ZNF107: variants seen among roughly 807,000 people sequenced by gnomAD.
ZNF107 encodes the protein zinc finger protein 107, also known as C2H2 type zinc-finger protein.
A neutral mutation model predicts 12.3 loss-of-function variants in ZNF107; 19 were observed. That is an observed-to-expected ratio of 1.55 (90% CI 1.08 to 2.27). The LOEUF is 2.27. ZNF107 is among the 30% of genes most tolerant of loss of function. ZNF107 has a pLI of 0.00. For missense variants in ZNF107, 958 were observed against 979.9 expected (o/e 0.98, Z 0.30); for synonymous variants, 317 against 330.5 (o/e 0.96, Z 0.44).
In ZNF107 at chr7:64,680,190, G is replaced by T. The variant is rs576681071; in HGVS notation, c.4-11058G>T. Among the ~76,000 whole-genome samples the T allele has an allele frequency of 2.6e-5, 4 of 152,182 alleles. 1 individual carries two copies. Among genetic ancestry groups the T allele is most frequent in the African/African-American group, 7.2e-5 (3 of 41,516 alleles). On this transcript the variant is annotated intron_variant, in intron 1 of 3. Transcript: ENST00000620827. ...CTATTTCCCCTTTGAGAGGTGGCTG[G>T]AGCTGAAGGGATAGTCCGAGTTCAT...
At chr7:64,669,778 ACT>A (rs1482001300) in intron 1 of ZNF107, among the ~76,000 whole-genome samples, 3 of 151,968 alleles carry the variant, frequency 2.0e-5, no homozygotes, top group Admixed American at 1.3e-4. Context: ...ACAGAGCGAG[ACT>A]CTGTCTCAAA....
At position 64,666,162 on chromosome 7, in the gene ZNF107, C is replaced by G; in HGVS notation, c.-121C>G. 2.2e-6 allele frequency: 3 copies of G among 1,390,430 alleles called. No homozygotes were observed. The highest frequency in any genetic ancestry group is 3.0e-6 in the Non-Finnish European group (3 of 996,122). The allele number at this position is 1,390,430 out of a possible 1,614,324, so 86.1% of individuals were successfully genotyped here. On this transcript the variant is annotated 5_prime_UTR_variant, in exon 1 of 4. Transcript: ENST00000620827. The stretch of plus-strand genomic sequence containing the variant: ...TTGTCTCTGGCTGCAGCCGGAGCTC[C>G]TGCTCTCCTCCTCACTGCTCAGTGT...
intron 1 of ZNF107, chr7:64,678,867 A>G (rs1277751613): frequency 6.6e-6 from 1 of 152,106 alleles, no homozygotes; most frequent in African/African-American, 2.4e-5. Flanking sequence ...TGGCCACTCA[A>G]AAACCATAAT....
At chr7:64,673,458 T>C (rs2128956443) in intron 1 of ZNF107, among the ~76,000 whole-genome samples, 1 of 152,366 alleles carries the variant, frequency 6.6e-6, no homozygotes, top group Middle Eastern at 3.4e-3. Context: ...CAAATTTGTT[T>C]GTTTCTTATG....
At chr7:64,668,467 G>C (rs972905720) in intron 1 of ZNF107, among the ~76,000 whole-genome samples, 2 of 149,474 alleles carry the variant, frequency 1.3e-5, no homozygotes, top group Admixed American at 1.3e-4. Flanking sequence ...CCCTGCAAAG[G>C]CCATGAACTC....
rs750758326 is a variant in ZNF107, at chr7:64,706,382, C to A, written c.285C>A (p.Phe95Leu). Reference protein sequence around the residue: ...LWPEQNIKDSFQKVTLRRYGK... With the variant: ...LWPEQNIKDSLQKVTLRRYGK... Reference sequence around the variant, plus strand: ...CAGAGCAGAACATAAAAGATTCTTTCCAGAAAGTGACACTGAGAAGATACG... The same window carrying A: ...CAGAGCAGAACATAAAAGATTCTTTACAGAAAGTGACACTGAGAAGATACG... The change falls in exon 4 of 4, where the codon TTC becomes TTA. Residue 95 changes from phenylalanine to leucine, a missense_variant. Transcript: ENST00000620827. 2.5e-6 allele frequency: 4 copies of A among 1,609,854 alleles called. No individual in the cohort carries two copies. Among genetic ancestry groups the A allele is most frequent in the Non-Finnish European group, 3.4e-6 (4 of 1,177,786 alleles).
intron 1 of ZNF107, among the ~76,000 whole-genome samples, chr7:64,671,949 A>AT (rs1584461554): frequency 6.7e-6 from 1 of 150,098 alleles, no homozygotes. Flanking sequence ...GCCCAGCTAA[A>AT]TTTTTTTTTG....
Position 64,675,946 on chromosome 7 carries a change from G to A in ZNF107, c.3+9661G>A, listed in dbSNP as rs537263980. On this transcript the variant is annotated intron_variant, in intron 1 of 3. Coordinates refer to ENST00000620827, the MANE Select transcript of ZNF107 (RefSeq NM_001282359.2). Reference sequence around the variant, plus strand: ...CGGCTCACTGCAACCTCTGCCTCCCGGGCTCAAGTGATTCTGTGCCTCAGC... The same window carrying A: ...CGGCTCACTGCAACCTCTGCCTCCCAGGCTCAAGTGATTCTGTGCCTCAGC... Among the ~76,000 whole-genome samples the A allele has an allele frequency of 2.7e-3, 408 of 152,188 alleles. 2 individuals are homozygous for A. The highest frequency in any genetic ancestry group is 7.5e-3 in the African/African-American group (311 of 41,514).
intron 1 of ZNF107, among the ~76,000 whole-genome samples, chr7:64,678,191 A>G (rs1789500046): frequency 6.6e-6 from 1 of 152,196 alleles, no homozygotes; most frequent in African/African-American, 2.4e-5. Flanking sequence ...TTTAAAGTAG[A>G]CACAGATTTG....
intron 1 of ZNF107, 25 bp downstream of exon 1, chr7:64,666,310 C>A (rs1444410256): frequency 1.9e-6 from 3 of 1,608,124 alleles, no homozygotes; most frequent in Non-Finnish European, 2.5e-6. Flanking sequence ...TCCGACATCC[C>A]GAGAGAGGGG....
chr7:64,707,660 T>A lies in ZNF107; in HGVS notation c.1563T>A (p.Ser521=), dbSNP rs1256394353. The change falls in exon 4 of 4, where the codon TCT becomes TCA. Residue 521 remains serine (S), a synonymous_variant. Coordinates refer to ENST00000620827, the MANE Select transcript of ZNF107 (RefSeq NM_001282359.2). ...AATGTGACAGAGCTTTTAGCCAGTC[T>A]TCAAACCTTACTGAACATAAGAAAA... is the stretch of plus-strand genomic sequence containing the variant. ...CEECDRAFSQ[S]SNLTEHKKIH... The A allele has an allele frequency of 4.4e-6, 7 of 1,608,946 alleles. No individual in the cohort carries two copies. The South Asian group carries it at 7.7e-5, about 18-fold the overall frequency.
At chr7:64,686,285 C>T (rs1466797310) in intron 1 of ZNF107, among the ~76,000 whole-genome samples, 1 of 152,176 alleles carries the variant, frequency 6.6e-6, no homozygotes, top group African/African-American at 2.4e-5. Flanking sequence ...GTTGTGGCTT[C>T]TCCCTATAGC....
rs766178711 is a variant in ZNF107, at chr7:64,708,368, A to T, written c.2271A>T (p.Gly757=). 6 of 1,613,314 alleles carry T rather than the reference A, an allele frequency of 3.7e-6. No individual in the cohort carries two copies. The East Asian group carries it at 8.9e-5, about 24-fold the overall frequency. Residue 757 remains glycine (G), a synonymous_variant, in exon 4 of 4, where the codon GGA becomes GGT. Coordinates refer to ENST00000620827, the MANE Select transcript of ZNF107 (RefSeq NM_001282359.2). ...CTGCACATAAGAAAATTCATACTGG[A>T]GAGAAACCCTATAAATGTGAAGAAT... ...TLTAHKKIHT[G]EKPYKCEECG... is the part of the protein sequence containing the mutation.
chr7:64,673,119 C>T (rs563983102), intron 1 of ZNF107, among the ~76,000 whole-genome samples: 2 of 152,236 alleles, frequency 1.3e-5, no homozygotes, highest in African/African-American at 2.4e-5. Context: ...TCTTGGCTCA[C>T]TGCAACCTCT....
rs1790860668 is a variant in ZNF107, at chr7:64,710,717, CAT to C, written c.*2062_*2063del. The C allele has an allele frequency of 6.6e-6, 1 of 152,018 alleles. No individual in the cohort carries two copies. Among genetic ancestry groups the C allele is most frequent in the African/African-American group, 2.4e-5 (1 of 41,408 alleles). The allele number at this position is 152,018 out of a possible 1,614,324, so 9.4% of individuals were successfully genotyped here. ...TTCCTATTGTATTCACATGTGAAAG[CAT>C]GTGATTAATTTTTCATGCATCAAAG... On this transcript the variant is annotated 3_prime_UTR_variant, in exon 4 of 4. Coordinates refer to ENST00000620827, the MANE Select transcript of ZNF107 (RefSeq NM_001282359.2).
chr7:64,679,906 C>T, intron 1 of ZNF107, among the ~76,000 whole-genome samples: 1 of 152,174 alleles, frequency 6.6e-6, no homozygotes, highest in East Asian at 1.9e-4. Context: ...GTTCCCAATG[C>T]AATTTGTCTC....
In ZNF107 at chr7:64,672,073, A is replaced by G. The variant is rs544100426; in HGVS notation, c.3+5788A>G. ...AGTGCTGGGATTACAGGAGTGAGCC[A>G]CCGCGCCCGGCTGGCGACCCTTTTT... On this transcript the variant is annotated intron_variant, in intron 1 of 3. Coordinates refer to ENST00000620827, the MANE Select transcript of ZNF107 (RefSeq NM_001282359.2). 2.0e-5 allele frequency among the ~76,000 whole-genome samples: 3 copies of G among 152,098 alleles called. No homozygotes were observed. In the South Asian group the frequency reaches 6.2e-4, roughly 32 times the overall value.
Position 64,707,441 on chromosome 7 carries a change from T to C in ZNF107, c.1344T>C (p.Thr448=). The change falls in exon 4 of 4, where the codon ACT becomes ACC. Residue 448 remains threonine (T), a synonymous_variant. Transcript: ENST00000620827. The part of the protein sequence containing the change: ...SNLTEHKKIH[T]AEKSYKCEEC... ...TTACTGAACATAAGAAAATTCATAC[T>C]GCAGAGAAATCCTATAAATGTGAAG... 6.2e-7 allele frequency: 1 copy of C among 1,613,272 alleles called. No individual in the cohort carries two copies. Among genetic ancestry groups the C allele is most frequent in the Non-Finnish European group, 8.5e-7 (1 of 1,179,628 alleles).
intron 1 of ZNF107, among the ~76,000 whole-genome samples, chr7:64,677,462 G>A (rs766223034): frequency 1.3e-5 from 1 of 76,814 alleles, no homozygotes; most frequent in Non-Finnish European, 2.5e-5. Context: ...ATGAGCCACC[G>A]CACCTCGCCG....
Sources: gnomAD v4.1 joint callset for allele counts (sites outside exome capture counted in the v4.1 genomes callset) on GRCh38, gnomAD v4.1.1 for gene constraint, MANE v1.5 for transcripts, NCBI Gene and HGNC (gene_info 2026-07-23, HGNC 2026-07-21) for gene names.